The following HFM1 variants were observed in gnomAD, a reference collection of about 807,000 sequenced individuals.
HFM1 encodes the protein helicase for meiosis 1, also known as probable ATP-dependent DNA helicase HFM1.
HFM1 carries 169 observed loss-of-function variants against 192.1 expected under a neutral mutation model. The observed-to-expected ratio is 0.88, with a 90% CI of 0.78 to 1.00. The LOEUF is 1.00. HFM1 is among the 50% of genes least tolerant of loss of function. The pLI, the probability that HFM1 is intolerant of heterozygous loss-of-function variation, is 0.00. For missense variants in HFM1, 1,661 were observed against 1,668.0 expected (o/e 1.00, Z 0.07); for synonymous variants, 525 against 537.8 (o/e 0.98, Z 0.33).
intron 30 of HFM1, among the ~76,000 whole-genome samples, chr1:91,306,768 T>A (rs1570892274): frequency 6.6e-6 from 1 of 152,202 alleles, no homozygotes; most frequent in East Asian, 1.9e-4. Flanking sequence ...TTTGATATTA[T>A]TTCTTCTTAA....
chr1:91,391,238 T>C (rs1269495744), intron 4 of HFM1, among the ~76,000 whole-genome samples: 1 of 152,164 alleles, frequency 6.6e-6, no homozygotes, highest in Non-Finnish European at 1.5e-5. Context: ...CTTCACAGAA[T>C]TGGAAAAAAC....
chr1:91,349,848 A>G (rs1050692930), intron 18 of HFM1, among the ~76,000 whole-genome samples: 1 of 152,256 alleles, frequency 6.6e-6, no homozygotes, highest in Non-Finnish European at 1.5e-5. Flanking sequence ...GAAAACTAAT[A>G]CAATATGCCA....
chr1:91,365,467 C>A (rs1438694593), intron 13 of HFM1, among the ~76,000 whole-genome samples: 1 of 151,752 alleles, frequency 6.6e-6, no homozygotes, highest in East Asian at 1.9e-4. Flanking sequence ...TGTTGTAAAC[C>A]TCAAATATGC....
chr1:91,289,787 T>C (rs890266976), intron 30 of HFM1, among the ~76,000 whole-genome samples: 1 of 152,110 alleles, frequency 6.6e-6, no homozygotes, highest in Middle Eastern at 3.4e-3. Flanking sequence ...GCAGGGAGGT[T>C]GCAGTGAGCC....
At chr1:91,338,869 C>T (rs1031732832) in intron 20 of HFM1, 28 of 454,182 alleles carry the variant, frequency 6.2e-5, no homozygotes, top group South Asian at 2.2e-4. Context: ...CACATGAGTG[C>T]GTAACCTTCT....
intron 30 of HFM1, among the ~76,000 whole-genome samples, chr1:91,296,131 G>A (rs1267945720): frequency 1.3e-5 from 2 of 152,102 alleles, no homozygotes; most frequent in African/African-American, 2.4e-5. Context: ...ATGTTAGCCA[G>A]GATGGACTCA....
At chr1:91,295,956 A>G (rs572322001) in intron 30 of HFM1, among the ~76,000 whole-genome samples, 38 of 151,938 alleles carry the variant, frequency 2.5e-4, no homozygotes, top group African/African-American at 9.2e-4. Flanking sequence ...TTTGAGACGG[A>G]GTCTCACTCT....
intron 30 of HFM1, among the ~76,000 whole-genome samples, chr1:91,308,028 A>G (rs1649896737): frequency 6.6e-6 from 1 of 152,022 alleles, no homozygotes; most frequent in Non-Finnish European, 1.5e-5. Context: ...TGATGTGTCT[A>G]ATTTTAACAT....
chr1:91,377,862 G>T, intron 11 of HFM1, 163 bp downstream of exon 11: 1 of 627,864 alleles, frequency 1.6e-6, no homozygotes, highest in Non-Finnish European at 2.7e-6. Context: ...CAAATTTTAT[G>T]GCCTTAATAC....
chr1:91,316,474 T>TA lies in HFM1; in HGVS notation c.2814dup (p.Ile939TyrfsTer16), dbSNP rs748828578. 2.7e-6 allele frequency: 4 copies of TA among 1,456,594 alleles called. No individual in the cohort carries two copies. The highest frequency in any genetic ancestry group is 3.7e-6 in the Non-Finnish European group (4 of 1,075,010). The allele number at this position is 1,456,594 out of a possible 1,614,324, so 90.2% of individuals were successfully genotyped here. On this transcript the variant is annotated frameshift_variant and splice_region_variant, in exon 26 of 39. Transcript: ENST00000370425. LOFTEE classifies it high-confidence loss of function. Reference sequence around the variant, plus strand: ...TTTACGATTGCATTTGACAATGTTATACCTGTGGAAAATTAATCAAACAAC... The same window carrying TA: ...TTTACGATTGCATTTGACAATGTTATAACCTGTGGAAAATTAATCAAACAAC...
At chr1:91,285,369 G>A (rs1667861340) in intron 30 of HFM1, among the ~76,000 whole-genome samples, 1 of 152,090 alleles carries the variant, frequency 6.6e-6, no homozygotes, top group South Asian at 2.1e-4. Context: ...AAGCATATTT[G>A]GAAATAGCCA....
At chr1:91,289,164 C>T (rs961926610) in intron 30 of HFM1, among the ~76,000 whole-genome samples, 32 of 149,932 alleles carry the variant, frequency 2.1e-4, no homozygotes, top group African/African-American at 6.9e-4. Flanking sequence ...CAGTCAGAGA[C>T]GCTCCTCACC....
upstream of HFM1, among the ~76,000 whole-genome samples, chr1:91,406,753 C>T (rs1340146590): frequency 6.6e-6 from 1 of 152,194 alleles, no homozygotes; most frequent in African/African-American, 2.4e-5. Context: ...AGCTTTGCTA[C>T]CTCACTTCTC....
At chr1:91,295,090 T>C (rs578098694) in intron 30 of HFM1, among the ~76,000 whole-genome samples, 4 of 152,334 alleles carry the variant, frequency 2.6e-5, no homozygotes, top group Non-Finnish European at 4.4e-5. Context: ...CAATATCTCA[T>C]TGTAGATTTT....
chr1:91,377,322 C>G (rs1337603823), intron 11 of HFM1: 2 of 151,786 alleles, frequency 1.3e-5, no homozygotes, highest in African/African-American at 4.8e-5. Context: ...ACAAAATATT[C>G]CATTGGAATA....
At chr1:91,375,479 AT>A in intron 12 of HFM1, 33 bp from the exon 13 acceptor site, 1 of 1,610,472 alleles carries the variant, frequency 6.2e-7, no homozygotes, top group East Asian at 2.2e-5. Flanking sequence ...TGTATTAATC[AT>A]GTTAAAAACT....
chr1:91,309,083 A>T lies in HFM1; in HGVS notation c.3391+4266T>A, dbSNP rs1440323. The stretch of plus-strand genomic sequence containing the variant: ...TCTTTTGTGTTCTTCAAAAGGAAGA[A>T]GATGAAGGCTCATGAGCTCACAGAA... On this transcript the variant is annotated intron_variant, in intron 30 of 38. Coordinates refer to ENST00000370425, the MANE Select transcript of HFM1 (RefSeq NM_001017975.6). Among the ~76,000 whole-genome samples, 39 of 152,228 alleles carry T rather than the reference A, an allele frequency of 2.6e-4. 1 individual carries two copies. The highest frequency in any genetic ancestry group is 8.7e-4 in the African/African-American group (36 of 41,466).
At chr1:91,396,861 G>A (rs560492448) in intron 2 of HFM1, among the ~76,000 whole-genome samples, 6 of 152,316 alleles carry the variant, frequency 3.9e-5, no homozygotes, top group African/African-American at 1.2e-4. Flanking sequence ...GACTGATGCT[G>A]GCCTGTTAGG....
chr1:91,331,767 G>A (rs1185710584), intron 20 of HFM1, among the ~76,000 whole-genome samples: 3 of 152,062 alleles, frequency 2.0e-5, no homozygotes, highest in Non-Finnish European at 2.9e-5. Context: ...GTGATGGCAG[G>A]CGCCTGTAAT....
Sources: gnomAD v4.1 joint callset for allele counts (sites outside exome capture counted in the v4.1 genomes callset) on GRCh38, gnomAD v4.1.1 for gene constraint, MANE v1.5 for transcripts, NCBI Gene and HGNC (gene_info 2026-07-23, HGNC 2026-07-21) for gene names.